MICAL2: variants seen among roughly 807,000 people sequenced by gnomAD.
MICAL2 encodes the protein [F-actin]-monooxygenase MICAL2.
Under a neutral mutation model 127.3 loss-of-function variants are expected in MICAL2, and 77 were observed. That is an observed-to-expected ratio of 0.60 (90% confidence interval 0.50 to 0.73). The LOEUF (loss-of-function observed/expected upper bound fraction) is 0.73. MICAL2 is among the 30% of genes least tolerant of loss of function. MICAL2 has a pLI of 0.00. For synonymous variants in MICAL2, 570 were observed against 551.1 expected, an observed-to-expected ratio of 1.03 and a Z score of -0.48; for missense variants, 1,351 against 1,434.4, an observed-to-expected ratio of 0.94 and a Z score of 0.94.
intron 22 of MICAL2, chr11:12,255,329 CTG>C: frequency 2.8e-6 from 1 of 353,326 alleles, no homozygotes; most frequent in Non-Finnish European, 5.4e-6. Context: ...AACTGGAACT[CTG>C]TACCCACTAA....
chr11:12,255,312 G>A (rs1473254670), intron 22 of MICAL2: 4 of 298,100 alleles, frequency 1.3e-5, no homozygotes, highest in Non-Finnish European at 2.6e-5. Context: ...ACTCTTAGTT[G>A]TTGTAAAACT....
Position 12,176,696 on chromosome 11 carries a change from C to G in MICAL2, c.264+14277C>G, listed in dbSNP as rs139219052. ...CTTTCTGTCTCTATGAATTTGATTA[C>G]CGAAGTATCTCATATGAGTGGAATA... On this transcript the variant is annotated intron_variant, in intron 3 of 27. Coordinates refer to ENST00000683283, the MANE Select transcript of MICAL2 (RefSeq NM_001282663.2). Among the ~76,000 whole-genome samples, 353 of 152,296 alleles carry G rather than the reference C, an allele frequency of 2.3e-3. 4 individuals are homozygous for G. Among genetic ancestry groups the G allele is most frequent in the African/African-American group, 8.0e-3 (333 of 41,558 alleles).
At chr11:12,207,838 G>T in intron 4 of MICAL2, 185 bp from the exon 5 acceptor site, 2 of 574,966 alleles carry the variant, frequency 3.5e-6, no homozygotes, top group South Asian at 2.7e-5. Flanking sequence ...CGATTCCAAA[G>T]GGCCACTGTA....
downstream of MICAL2, chr11:12,292,030 G>A: frequency 7.5e-7 from 1 of 1,325,776 alleles, no homozygotes; most frequent in Non-Finnish European, 1.0e-6. Context: ...GTCAGGCTCT[G>A]ACATCTTCCT....
chr11:12,319,847 T>G (rs775905338), intron 30 of MICAL2: 15 of 1,504,400 alleles, frequency 1.0e-5, no homozygotes, highest in Non-Finnish European at 1.2e-5. Context: ...GGGCCTTGGC[T>G]GGTGGGGGCT....
chr11:12,292,704 C>A (rs1321128810), downstream of MICAL2, among the ~76,000 whole-genome samples: 1 of 152,168 alleles, frequency 6.6e-6, no homozygotes, highest in Non-Finnish European at 1.5e-5. Context: ...CAACATCTCC[C>A]TTGAATATAA....
intron 8 of MICAL2, 37 bp from the exon 9 acceptor site, chr11:12,220,164 G>C: frequency 1.2e-6 from 2 of 1,611,748 alleles, no homozygotes; most frequent in Non-Finnish European, 1.7e-6. Context: ...GCCCTTTAGA[G>C]GGGGAGGTTG....
intron 21 of MICAL2, among the ~76,000 whole-genome samples, chr11:12,245,208 T>G (rs1860563077): frequency 6.6e-6 from 1 of 152,192 alleles, no homozygotes; most frequent in Admixed American, 6.5e-5. Context: ...GGAGTAGGTT[T>G]GGAGTCTTCC....
intron 1 of MICAL2, among the ~76,000 whole-genome samples, chr11:12,123,793 TG>T (rs1436163492): frequency 6.6e-6 from 1 of 151,982 alleles, no homozygotes; most frequent in Non-Finnish European, 1.5e-5. Flanking sequence ...ACCCACAGTG[TG>T]GGTTCAGGAT....
chr11:12,332,385 C>G (rs1265219318), intron 32 of MICAL2, among the ~76,000 whole-genome samples: 1 of 152,114 alleles, frequency 6.6e-6, no homozygotes, highest in Non-Finnish European at 1.5e-5. Context: ...GCCATGAACA[C>G]AGAAACACAG....
chr11:12,251,642 C>T (rs1057355482), intron 22 of MICAL2, among the ~76,000 whole-genome samples: 1 of 143,922 alleles, frequency 6.9e-6, no homozygotes, highest in African/African-American at 2.6e-5. Context: ...GTGGGTGCCA[C>T]GGGGAGAAAG....
intron 15 of MICAL2, among the ~76,000 whole-genome samples, chr11:12,232,756 A>G (rs1858471903): frequency 6.6e-6 from 1 of 152,220 alleles, no homozygotes; most frequent in Admixed American, 6.5e-5. Flanking sequence ...TTATGTTACT[A>G]ACACTAGCCT....
intron 21 of MICAL2, among the ~76,000 whole-genome samples, chr11:12,248,729 TG>T (rs1302198810): frequency 6.6e-6 from 1 of 152,254 alleles, no homozygotes; most frequent in African/African-American, 2.4e-5. Context: ...AAGTTTTGTC[TG>T]GGGCATCCCG....
chr11:12,314,970 T>G (rs1864217250), intron 29 of MICAL2, among the ~76,000 whole-genome samples: 1 of 152,174 alleles, frequency 6.6e-6, no homozygotes, highest in Non-Finnish European at 1.5e-5. Context: ...ATCACAATAC[T>G]TTCATCTTAG....
chr11:12,292,179 C>T (rs773243596), downstream of MICAL2: 1 of 1,614,080 alleles, frequency 6.2e-7, no homozygotes, highest in Admixed American at 1.7e-5. Context: ...ATGTCACCTC[C>T]TAAGGACCCT....
At chr11:12,358,647 G>T (rs1939165593), downstream of MICAL2, 1 of 552,436 alleles carries the variant, frequency 1.8e-6, no homozygotes, top group Non-Finnish European at 2.9e-6. Context: ...GCTTCCCAAG[G>T]TTCTTCCAGA....
At chr11:12,141,783 CA>C (rs764932501) in intron 2 of MICAL2, among the ~76,000 whole-genome samples, 2 of 152,148 alleles carry the variant, frequency 1.3e-5, no homozygotes, top group Non-Finnish European at 2.9e-5. Context: ...CCCTTGTGAT[CA>C]GGGGTGACCA....
intron 2 of MICAL2, among the ~76,000 whole-genome samples, chr11:12,154,642 G>A (rs542345225): frequency 6.6e-6 from 1 of 152,202 alleles, no homozygotes; most frequent in East Asian, 1.9e-4. Context: ...TCCATATCCT[G>A]CTCTTTTCAC....
chr11:12,255,213 C>G (rs188087564), intron 22 of MICAL2: 19 of 169,786 alleles, frequency 1.1e-4, no homozygotes, highest in African/African-American at 4.0e-4. Context: ...CCACCACACC[C>G]GGCCAGCCTT....
Sources: allele counts gnomAD v4.1 joint callset (sites outside exome capture counted in the v4.1 genomes callset), GRCh38; gene constraint gnomAD v4.1.1; transcripts MANE v1.5; gene names NCBI Gene and HGNC (gene_info 2026-07-23, HGNC 2026-07-21).